SLU7: variants seen among roughly 807,000 people sequenced by gnomAD.
SLU7 encodes the protein pre-mRNA-splicing factor SLU7.
SLU7 carries 60 observed loss-of-function variants against 87.0 expected under a neutral mutation model. The observed-to-expected ratio is 0.69, with a 90% confidence interval of 0.56 to 0.86. The LOEUF (loss-of-function observed/expected upper bound fraction) is 0.86, where lower values mean the gene tolerates loss of function less well. Among genes scored for constraint, SLU7 ranks in the 40% least tolerant of loss-of-function variants. The probability of loss-of-function intolerance (pLI) is 0.00; values close to 1 mark genes in which losing one functional copy is unlikely to be tolerated. For missense variants in SLU7, 507 were observed against 686.6 expected (o/e 0.74, Z 2.92); for synonymous variants, 197 against 222.0 (o/e 0.89, Z 1.00).
At chr5:160,418,679 A>C (rs1358416071) in intron 1 of SLU7, 1 of 152,212 alleles carries the variant, frequency 6.6e-6, no homozygotes, top group Non-Finnish European at 1.5e-5. Flanking sequence ...AGCTCAAGTA[A>C]ATTTTTCTGG....
In SLU7 at chr5:160,404,444, T is replaced by C; in HGVS notation, c.1577A>G (p.Lys526Arg). ...DDEEKKHEKLKKALNAEEARL... is the reference protein window; with the variant it reads ...DDEEKKHEKLRKALNAEEARL... ...TATTTAGACTTCACAAATTACCTTT[T>C]TCAATTTTTCATGCTTCTTTTCTTC... The change falls in exon 15 of 16, where the codon AAA becomes AGA. Residue 526 changes from lysine to arginine, a missense_variant. Physicochemically the swap from Lys to Arg is conservative, Grantham distance 26 (BLOSUM62 2). Around this residue, in one of 6 missense-constraint regions of SLU7, gnomAD observed 201 missense variants for 213.4 expected, o/e 0.94. Coordinates refer to ENST00000297151, the MANE Select transcript of SLU7 (RefSeq NM_006425.5). The C allele has an allele frequency of 6.4e-7, 1 of 1,565,898 alleles. No individual in the cohort carries two copies. Among genetic ancestry groups the C allele is most frequent in the Non-Finnish European group, 8.7e-7 (1 of 1,144,392 alleles).
rs967048667 is a variant in SLU7 at position 160,402,556 on chromosome 5, T to C, written c.*729A>G. 6.6e-6 allele frequency: 1 copy of C among 152,018 alleles called. No homozygotes were observed. Among genetic ancestry groups the C allele is most frequent in the African/African-American group, 2.4e-5 (1 of 41,352 alleles). The allele number at this position is 152,018 out of a possible 1,614,324, so 9.4% of individuals were successfully genotyped here. On this transcript the variant is annotated 3_prime_UTR_variant, in exon 16 of 16. Coordinates refer to ENST00000297151, the MANE Select transcript of SLU7 (RefSeq NM_006425.5). ...ATAAATGTAGTCACAGAGTTGCTAG[T>C]AATTATTTAAAAAAACAAAGCCCTG...
At chr5:160,414,015 A>G in intron 3 of SLU7, 36 bp from the exon 4 acceptor site, 1 of 1,269,822 alleles carries the variant, frequency 7.9e-7, no homozygotes, top group Non-Finnish European at 1.1e-6. Flanking sequence ...AAAATGTCTT[A>G]ACCACGTAAG....
chr5:160,414,616 A>G (rs541200119), intron 2 of SLU7, 144 bp from the exon 3 acceptor site: 66 of 430,660 alleles, frequency 1.5e-4, no homozygotes, highest in Non-Finnish European at 2.3e-4. Context: ...CTATCTCTAT[A>G]CTATAATAAA....
chr5:160,403,934 A>G (rs753548108), intron 15 of SLU7, among the ~76,000 whole-genome samples: 9 of 152,218 alleles, frequency 5.9e-5, no homozygotes, highest in Non-Finnish European at 1.0e-4. Context: ...CTCCAAGAAG[A>G]AGGCAATACC....
rs1003619516 is a variant in SLU7 at position 160,403,247 on chromosome 5, T to C, written c.*38A>G. 4 of 1,434,224 alleles carry C rather than the reference T, an allele frequency of 2.8e-6. No individual in the cohort carries two copies. The highest frequency in any genetic ancestry group is 3.8e-6 in the Non-Finnish European group (4 of 1,062,762). 88.8% of individuals were successfully genotyped at this position (1,434,224 alleles called of 1,614,324 possible). A position where few individuals can be genotyped will look rare whatever the true frequency, so the allele number is the denominator to read the frequency against. ...TCAATAAGAAGCTGAAAAGAATGTA[T>C]CAGCTGCATCTATCTTGGATGGTCT... On this transcript the variant is annotated 3_prime_UTR_variant, in exon 16 of 16. Coordinates refer to ENST00000297151, the MANE Select transcript of SLU7 (RefSeq NM_006425.5).
At chr5:160,406,181 G>A (rs1051659347) in intron 12 of SLU7, among the ~76,000 whole-genome samples, 2 of 152,080 alleles carry the variant, frequency 1.3e-5, no homozygotes, top group Non-Finnish European at 2.9e-5. Context: ...GTATATATGT[G>A]TATTTTACAT....
chr5:160,406,834 G>C (rs183127263), intron 11 of SLU7, among the ~76,000 whole-genome samples: 451 of 152,288 alleles, frequency 3.0e-3, no homozygotes, highest in Non-Finnish European at 4.6e-3. Context: ...GTTGAGTACA[G>C]TAAGTTACAA....
chr5:160,410,535 T>C (rs1185323582), intron 6 of SLU7, among the ~76,000 whole-genome samples: 1 of 152,048 alleles, frequency 6.6e-6, no homozygotes, highest in Non-Finnish European at 1.5e-5. Flanking sequence ...AACCTGCACG[T>C]TGTGCACATG....
At position 160,407,455 on chromosome 5, in the gene SLU7, T is replaced by C. The variant is rs766446251; in HGVS notation, c.1125+21A>G. The C allele has an allele frequency of 1.3e-5, 20 of 1,593,208 alleles. No homozygotes were observed. Among genetic ancestry groups the C allele is most frequent in the Non-Finnish European group, 3.4e-6 (4 of 1,173,146 alleles). On this transcript the variant is annotated intron_variant, in intron 11 of 15. Coordinates refer to ENST00000297151, the MANE Select transcript of SLU7 (RefSeq NM_006425.5). This position sits in a 1 kb window ranked among gnomAD's most constrained non-coding sequence, Gnocchi z 4.2. ...CTTCTCTTTAACAGAAGTTCTTCTTTAGCATTTTGGTCAAAATTACCTTTT... is the reference window on the plus strand; with the variant it reads ...CTTCTCTTTAACAGAAGTTCTTCTTCAGCATTTTGGTCAAAATTACCTTTT...
Position 160,412,523 on chromosome 5 carries a change from T to TAAAAG in SLU7, c.571-5_571-4insCTTTT. On this transcript the variant is annotated splice_polypyrimidine_tract_variant and splice_region_variant and intron_variant, in intron 5 of 15. Coordinates refer to ENST00000297151, the MANE Select transcript of SLU7 (RefSeq NM_006425.5). ...GGGCTTTCAATGTTCGTTTTGCCTT[T>TAAAAG]AAAAAAAAAAAAAAGAAAGAAAGAA... 1.2e-6 allele frequency: 1 copy of TAAAAG among 826,882 alleles called. No homozygotes were observed. Among genetic ancestry groups the TAAAAG allele is most frequent in the African/African-American group, 2.3e-5 (1 of 43,646 alleles). 51.2% of individuals were successfully genotyped at this position (826,882 alleles called of 1,614,324 possible). A position where few individuals can be genotyped will look rare whatever the true frequency, so the allele number is the denominator to read the frequency against.
chr5:160,418,015 C>G (rs1021249980), intron 1 of SLU7, among the ~76,000 whole-genome samples: 1 of 152,162 alleles, frequency 6.6e-6, no homozygotes, highest in Non-Finnish European at 1.5e-5. Flanking sequence ...GACACTGGGC[C>G]TTTACACAAG....
chr5:160,413,831 T>TA (rs1215911423), intron 4 of SLU7, 68 bp downstream of exon 4: 2 of 1,184,046 alleles, frequency 1.7e-6, no homozygotes, highest in East Asian at 2.4e-5. Flanking sequence ...AAAGAGAAGT[T>TA]AGCTCTCTGA....
At position 160,408,448 on chromosome 5, in the gene SLU7, T is replaced by C. The variant is rs557827158; in HGVS notation, c.700A>G (p.Asn234Asp). ...TTATCTTCATCCTCATCTTCACTAT[T>C]ATGATCTTTTTCCTAAAAGAGGGAG... ...EPNSQMEKDHNSEDEDEDKYA... is the reference protein window; with the variant it reads ...EPNSQMEKDHDSEDEDEDKYA... Residue 234 changes from asparagine to aspartate, a missense_variant, in exon 8 of 16, where the codon AAT becomes GAT. Coordinates refer to ENST00000297151, the MANE Select transcript of SLU7 (RefSeq NM_006425.5). 2 of 1,596,692 alleles carry C rather than the reference T, an allele frequency of 1.3e-6. No homozygotes were observed. Among genetic ancestry groups the C allele is most frequent in the African/African-American group, 1.3e-5 (1 of 74,558 alleles).
chr5:160,415,748 T>C (rs1765425640), intron 1 of SLU7, among the ~76,000 whole-genome samples: 2 of 152,190 alleles, frequency 1.3e-5, no homozygotes, highest in African/African-American at 4.8e-5. Context: ...TAGCCCTCCA[T>C]TCCCTACCAT....
rs73316305 is a variant in SLU7 at position 160,407,349 on chromosome 5, A to G, written c.1125+127T>C. 300 of 788,232 alleles carry G rather than the reference A, an allele frequency of 3.8e-4. 2 individuals are homozygous for G. In the African/African-American group the frequency reaches 4.8e-3, roughly 13 times the overall value. The allele number at this position is 788,232 out of a possible 1,614,324, so 48.8% of individuals were successfully genotyped here. A position where few individuals can be genotyped will look rare whatever the true frequency, so the allele number is the denominator to read the frequency against. ...TACCATCTGACTAAGAGAAAGGAAGAAAAGGACTATTCTTCATGGATTAAG... is the reference window on the plus strand; with the variant it reads ...TACCATCTGACTAAGAGAAAGGAAGGAAAGGACTATTCTTCATGGATTAAG... On this transcript the variant is annotated intron_variant, in intron 11 of 15. Transcript: ENST00000297151. This position sits in a 1 kb window ranked among gnomAD's most constrained non-coding sequence, Gnocchi z 4.2.
At chr5:160,409,185 A>T (rs1265697234) in intron 6 of SLU7, among the ~76,000 whole-genome samples, 1 of 152,118 alleles carries the variant, frequency 6.6e-6, no homozygotes, top group East Asian at 1.9e-4. Context: ...CCAAAAAGAA[A>T]ATATTACTGG....
In SLU7 at chr5:160,407,849, G is replaced by C. The variant is rs886618705; in HGVS notation, c.918-36C>G. 7 of 1,558,068 alleles carry C rather than the reference G, an allele frequency of 4.5e-6. No homozygotes were observed. Among genetic ancestry groups the C allele is most frequent in the Non-Finnish European group, 6.2e-6 (7 of 1,131,698 alleles). On this transcript the variant is annotated intron_variant, in intron 9 of 15. Transcript: ENST00000297151. The surrounding 1 kb of genome is among the most constrained non-coding windows in gnomAD (Gnocchi z 4.2). ...AAATAAAGAAAATGTTTCAGAGATT[G>C]ATTTAAGGAAAATTAATTCGTAAAA...
At chr5:160,414,152 T>C in intron 3 of SLU7, 167 bp downstream of exon 3, 1 of 705,834 alleles carries the variant, frequency 1.4e-6, no homozygotes, top group Admixed American at 3.0e-5. Flanking sequence ...GAGTGTAAAA[T>C]TTATATAAGA....
Sources: allele counts gnomAD v4.1 joint callset (sites outside exome capture counted in the v4.1 genomes callset), GRCh38; gene constraint gnomAD v4.1.1; regional missense constraint gnomAD v4.1.1; non-coding constraint Gnocchi (gnomAD v3.1); transcripts MANE v1.5; gene names NCBI Gene and HGNC (gene_info 2026-07-23, HGNC 2026-07-21).